Variants in KCNK9 observed in about 807,000 individuals in gnomAD.
The protein encoded by KCNK9 is potassium channel subfamily K member 9.
KCNK9 carries 1 observed loss-of-function variant against 10.8 expected under a neutral mutation model. The ratio of observed to expected loss-of-function variants is 0.09; its 90% confidence interval spans 0.03 to 0.44. The LOEUF (loss-of-function observed/expected upper bound fraction) is 0.44, where lower values mean the gene tolerates loss of function less well. Ranked by LOEUF, KCNK9 falls within the 20% of genes least tolerant of loss-of-function variation. The pLI, the probability that KCNK9 is intolerant of heterozygous loss-of-function variation, is 0.97. For missense variants in KCNK9, 303 were observed against 515.0 expected (o/e 0.59, Z 3.98); for synonymous variants, 231 against 222.7 (o/e 1.04, Z -0.33).
intron 1 of KCNK9, among the ~76,000 whole-genome samples, chr8:139,682,409 A>T (rs1219856909): frequency 6.6e-6 from 1 of 152,172 alleles, no homozygotes; most frequent in Non-Finnish European, 1.5e-5. Flanking sequence ...TGAGCACGAC[A>T]CAGGGTGGCA....
intron 1 of KCNK9, among the ~76,000 whole-genome samples, chr8:139,661,511 C>T (rs1816150388): frequency 6.6e-6 from 1 of 152,212 alleles, no homozygotes; most frequent in Non-Finnish European, 1.5e-5. Flanking sequence ...CCCTGGGAAG[C>T]AAGCAGAGCC....
chr8:139,675,132 C>T (rs1449390451), intron 1 of KCNK9, among the ~76,000 whole-genome samples: 3 of 152,176 alleles, frequency 2.0e-5, no homozygotes, highest in Non-Finnish European at 2.9e-5. Flanking sequence ...AAAGGAGCAG[C>T]GGTGGAGGAG....
intron 1 of KCNK9, among the ~76,000 whole-genome samples, chr8:139,697,634 C>G (rs1817094691): frequency 6.6e-6 from 1 of 152,036 alleles, no homozygotes; most frequent in African/African-American, 2.4e-5. Context: ...CCTCATTAGA[C>G]TCCACTGATG....
At chr8:139,679,304 C>G (rs1816632160) in intron 1 of KCNK9, among the ~76,000 whole-genome samples, 1 of 152,294 alleles carries the variant, frequency 6.6e-6, no homozygotes, top group East Asian at 1.9e-4. Flanking sequence ...CTCCTCTTGC[C>G]GAGAAGGCAG....
At chr8:139,661,354 G>A (rs1462522565) in intron 1 of KCNK9, among the ~76,000 whole-genome samples, 1 of 152,208 alleles carries the variant, frequency 6.6e-6, no homozygotes. Flanking sequence ...GATCAGGGCA[G>A]GGGCTGCAGG....
intron 1 of KCNK9, among the ~76,000 whole-genome samples, chr8:139,680,137 G>T (rs188861488): frequency 1.2e-4 from 19 of 152,134 alleles, no homozygotes; most frequent in Non-Finnish European, 2.5e-4. Flanking sequence ...GGCCGGCAGC[G>T]TCCCTTCCAG....
At chr8:139,652,438 C>T (rs1318250875) in intron 1 of KCNK9, among the ~76,000 whole-genome samples, 2 of 152,204 alleles carry the variant, frequency 1.3e-5, no homozygotes, top group Non-Finnish European at 2.9e-5. Context: ...AGGAGCAACA[C>T]CTGGTCACCC....
At chr8:139,695,588 CA>C (rs563913348) in intron 1 of KCNK9, among the ~76,000 whole-genome samples, 3 of 152,248 alleles carry the variant, frequency 2.0e-5, no homozygotes, top group South Asian at 4.1e-4. Context: ...ACCCTCAAAA[CA>C]AAAATCCCTT....
At chr8:139,676,358 C>G (rs992068960) in intron 1 of KCNK9, among the ~76,000 whole-genome samples, 8 of 152,244 alleles carry the variant, frequency 5.3e-5, no homozygotes, top group Non-Finnish European at 1.0e-4. Flanking sequence ...TTGTCTCCTG[C>G]TCTGGTCTGT....
chr8:139,662,440 A>C (rs986446395), intron 1 of KCNK9, among the ~76,000 whole-genome samples: 1 of 151,990 alleles, frequency 6.6e-6, no homozygotes, highest in Non-Finnish European at 1.5e-5. Flanking sequence ...CATGGCATCG[A>C]CCCTGCTCTC....
At chr8:139,646,520 T>G (rs554768368) in intron 1 of KCNK9, among the ~76,000 whole-genome samples, 2 of 152,340 alleles carry the variant, frequency 1.3e-5, no homozygotes, top group Non-Finnish European at 2.9e-5. Flanking sequence ...GCAATACTTT[T>G]CATCAATGAC....
In KCNK9 at chr8:139,637,220, A is replaced by AC. The variant is rs1815364211; in HGVS notation, c.284-18122_284-18121insG. ...AGGAAGGGAAGGTGAAGACAGAATC[A>AC]TGACCTGCATGTCGGAGTGCTGACC... On this transcript the variant is annotated intron_variant, in intron 1 of 1. Transcript: ENST00000520439. Among the ~76,000 whole-genome samples, 5 of 152,252 alleles carry AC rather than the reference A, an allele frequency of 3.3e-5. No homozygotes were observed. The South Asian group carries it at 1.0e-3, about 31-fold the overall frequency.
intron 1 of KCNK9, among the ~76,000 whole-genome samples, chr8:139,648,349 G>T (rs1236204019): frequency 6.6e-6 from 1 of 152,204 alleles, no homozygotes; most frequent in East Asian, 1.9e-4. Flanking sequence ...ACACAGAGGT[G>T]ATGGTTGCAA....
At chr8:139,620,813 G>A (rs1415919848) in intron 1 of KCNK9, among the ~76,000 whole-genome samples, 1 of 152,042 alleles carries the variant, frequency 6.6e-6, no homozygotes, top group African/African-American at 2.4e-5. Flanking sequence ...GAAAGGACAG[G>A]GTGGGGAAAC....
intron 1 of KCNK9, among the ~76,000 whole-genome samples, chr8:139,644,726 C>CA (rs879472635): frequency 1.4e-5 from 2 of 147,632 alleles, no homozygotes; most frequent in African/African-American, 5.1e-5. Context: ...CCCCCCCCCC[C>CA]AGAGCCTCCC....
At chr8:139,654,063 G>C (rs1815946816) in intron 1 of KCNK9, among the ~76,000 whole-genome samples, 1 of 152,226 alleles carries the variant, frequency 6.6e-6, no homozygotes, top group African/African-American at 2.4e-5. Flanking sequence ...CCTGCCTAGG[G>C]CCTTGTCAAG....
intron 1 of KCNK9, among the ~76,000 whole-genome samples, chr8:139,668,676 C>T (rs1355326320): frequency 6.6e-6 from 1 of 152,226 alleles, no homozygotes; most frequent in South Asian, 2.1e-4. Flanking sequence ...CCCATCTTGG[C>T]CTCCCAAAGT....
chr8:139,631,766 TAGA>T (rs147070847), intron 1 of KCNK9, among the ~76,000 whole-genome samples: 7 of 152,300 alleles, frequency 4.6e-5, no homozygotes, highest in Non-Finnish European at 7.3e-5. Flanking sequence ...AAGTCTATGG[TAGA>T]AGAACTGAAA....
chr8:139,621,236 A>T (rs1021537728), intron 1 of KCNK9, among the ~76,000 whole-genome samples: 4 of 151,474 alleles, frequency 2.6e-5, no homozygotes, highest in African/African-American at 7.3e-5. Context: ...GGTTGCAATG[A>T]GCCATGATTG....
Sources: gnomAD v4.1 joint callset for allele counts (sites outside exome capture counted in the v4.1 genomes callset) on GRCh38, gnomAD v4.1.1 for gene constraint, MANE v1.5 for transcripts, NCBI Gene and HGNC (gene_info 2026-07-23, HGNC 2026-07-21) for gene names.